The following CTNNA2 variants were observed in gnomAD, a reference collection of about 807,000 sequenced individuals.
CTNNA2 encodes catenin alpha-2.
In CTNNA2, 42 loss-of-function variants were observed where a neutral mutation model predicts 101.0. The ratio of observed to expected loss-of-function variants is 0.42; its 90% confidence interval spans 0.32 to 0.54. The LOEUF (loss-of-function observed/expected upper bound fraction) is 0.54. CTNNA2 is among the 20% of genes least tolerant of loss of function. The probability of loss-of-function intolerance (pLI) is 0.14; values close to 1 mark genes in which losing one functional copy is unlikely to be tolerated. For synonymous variants in CTNNA2, 450 were observed against 456.4 expected (o/e 0.99, Z 0.18); for missense variants, 871 against 1,223.1 (o/e 0.71, Z 4.29).
chr2:80,636,147 G>A (rs1042276349), intron 18 of CTNNA2, among the ~76,000 whole-genome samples: 4 of 151,978 alleles, frequency 2.6e-5, no homozygotes, highest in Non-Finnish European at 5.9e-5. Flanking sequence ...CAGGACCAAA[G>A]GCAGCAAGAT....
chr2:80,446,255 T>A (rs1306707088), intron 9 of CTNNA2, among the ~76,000 whole-genome samples: 1 of 152,154 alleles, frequency 6.6e-6, no homozygotes, highest in African/African-American at 2.4e-5. Context: ...CTTCCTCCAC[T>A]CAAGAGAGAC....
At chr2:79,704,336 G>A (rs1328175685) in intron 2 of CTNNA2, among the ~76,000 whole-genome samples, 1 of 152,062 alleles carries the variant, frequency 6.6e-6, no homozygotes, top group Non-Finnish European at 1.5e-5. Context: ...TCCCTTCTGT[G>A]GGTGAAAGAA....
intron 4 of CTNNA2, among the ~76,000 whole-genome samples, chr2:79,479,924 A>G (rs1338542792): frequency 6.6e-6 from 1 of 150,832 alleles, no homozygotes; most frequent in Non-Finnish European, 1.5e-5. Flanking sequence ...CTCCATCTCA[A>G]AAAAAAAAGA....
At chr2:80,174,078 C>T (rs1705243970) in intron 7 of CTNNA2, among the ~76,000 whole-genome samples, 1 of 152,110 alleles carries the variant, frequency 6.6e-6, no homozygotes, top group Non-Finnish European at 1.5e-5. Flanking sequence ...GTGGCACATG[C>T]ACTGTGCCAA....
chr2:80,355,300 T>C (rs1311549537), intron 7 of CTNNA2, among the ~76,000 whole-genome samples: 1 of 152,182 alleles, frequency 6.6e-6, no homozygotes, highest in Non-Finnish European at 1.5e-5. Flanking sequence ...CAATGAGATG[T>C]AAGCAGAAGC....
At chr2:80,442,655 C>T (rs909439879) in intron 9 of CTNNA2, among the ~76,000 whole-genome samples, 2 of 152,168 alleles carry the variant, frequency 1.3e-5, no homozygotes, top group Non-Finnish European at 2.9e-5. Context: ...TTTTTTACCC[C>T]TCTCTGTTTC....
At chr2:79,786,444 A>C (rs1674852876) in intron 3 of CTNNA2, among the ~76,000 whole-genome samples, 1 of 152,106 alleles carries the variant, frequency 6.6e-6, no homozygotes, top group Non-Finnish European at 1.5e-5. Context: ...CTGTTGAAAC[A>C]CACGTCTTAT....
intron 3 of CTNNA2, among the ~76,000 whole-genome samples, chr2:79,329,166 A>T (rs980859009): frequency 1.3e-5 from 2 of 152,168 alleles, no homozygotes; most frequent in African/African-American, 4.8e-5. Context: ...GAAGGACACT[A>T]TTCAGCCCAG....
intron 7 of CTNNA2, among the ~76,000 whole-genome samples, chr2:79,912,206 C>T (rs982061523): frequency 2.6e-5 from 4 of 152,222 alleles, no homozygotes; most frequent in Non-Finnish European, 5.9e-5. Flanking sequence ...AAAATCTCCT[C>T]ATCAGTCCCA....
In CTNNA2 at chr2:80,096,828, C is replaced by A. The variant is rs866147375; in HGVS notation, c.1056+187031C>A. Among the ~76,000 whole-genome samples, 202 of 152,212 alleles carry A rather than the reference C, an allele frequency of 1.3e-3. 1 individual carries two copies. Among genetic ancestry groups the A allele is most frequent in the African/African-American group, 4.7e-3 (194 of 41,528 alleles). On this transcript the variant is annotated intron_variant, in intron 7 of 18. Transcript: ENST00000402739. The stretch of plus-strand genomic sequence containing the variant: ...GTTTTATCAGAGACTAGGATTGCAA[C>A]CCCTGCCTTTTTTTCTTTTCCATTT...
At chr2:79,475,566 A>G (rs1264150461) in intron 4 of CTNNA2, among the ~76,000 whole-genome samples, 2 of 152,184 alleles carry the variant, frequency 1.3e-5, no homozygotes, top group African/African-American at 2.4e-5. Flanking sequence ...TTCCAAATGA[A>G]TATGTACTAT....
chr2:79,919,745 T>C lies in CTNNA2; in HGVS notation c.1056+9948T>C, dbSNP rs1316205378. Among the ~76,000 whole-genome samples, 7 of 152,336 alleles carry C rather than the reference T, an allele frequency of 4.6e-5. No homozygotes were observed. The Middle Eastern group carries it at 0.01, about 222-fold the overall frequency. On this transcript the variant is annotated intron_variant, in intron 7 of 18. Coordinates refer to ENST00000402739, the MANE Select transcript of CTNNA2 (RefSeq NM_001282597.3). ...AAGATCTGAACGCTGGATCTCTCGT[T>C]CCCGAATGGCTTGTTCCAAAGATAA...
intron 4 of CTNNA2, among the ~76,000 whole-genome samples, chr2:79,411,460 G>A (rs146321994): frequency 0.016 from 2,399 of 151,908 alleles, 55 homozygotes; most frequent in African/African-American, 0.054. Context: ...TTCCAAAGTC[G>A]AAATGAAGGA....
chr2:79,395,476 G>A (rs548078148), intron 4 of CTNNA2, among the ~76,000 whole-genome samples: 3 of 151,960 alleles, frequency 2.0e-5, no homozygotes, highest in African/African-American at 7.2e-5. Flanking sequence ...CCACCTATGA[G>A]TGAGAATATT....
intron 7 of CTNNA2, among the ~76,000 whole-genome samples, chr2:80,034,687 T>C (rs1365717299): frequency 6.6e-6 from 1 of 152,202 alleles, no homozygotes; most frequent in Non-Finnish European, 1.5e-5. Flanking sequence ...AATGCAAATT[T>C]AAAATACATT....
intron 1 of CTNNA2, among the ~76,000 whole-genome samples, chr2:79,645,019 A>C (rs1297912236): frequency 6.6e-6 from 1 of 151,726 alleles, no homozygotes; most frequent in Non-Finnish European, 1.5e-5. Flanking sequence ...GTTTTACTCT[A>C]ACATCCAGAC....
At chr2:79,433,014 G>T (rs1678673600) in intron 4 of CTNNA2, among the ~76,000 whole-genome samples, 1 of 152,210 alleles carries the variant, frequency 6.6e-6, no homozygotes, top group Non-Finnish European at 1.5e-5. Flanking sequence ...AGCAACTGGA[G>T]TAAATGCTTT....
At position 79,373,667 on chromosome 2, in the gene CTNNA2, G is replaced by A. The variant is rs571625054; in HGVS notation, c.-317-164G>A. ...ACAAAAAAACGGTAACTCCCTGGAAGCATTTTTTTAAATACCCAGTGAGTT... is the reference window on the plus strand; with the variant it reads ...ACAAAAAAACGGTAACTCCCTGGAAACATTTTTTTAAATACCCAGTGAGTT... On this transcript the variant is annotated intron_variant, in intron 3 of 21. Coordinates refer to the CTNNA2 transcript ENST00000466387. 5.5e-3 allele frequency among the ~76,000 whole-genome samples: 269 copies of A among 49,254 alleles called. 5 individuals are homozygous for A. The South Asian group carries it at 0.076, about 14-fold the overall frequency. 32.3% of individuals were successfully genotyped at this position (49,254 alleles called of 152,430 possible). A position where few individuals can be genotyped will look rare whatever the true frequency, so the allele number is the denominator to read the frequency against.
At chr2:80,576,248 A>G (rs1434066) in intron 13 of CTNNA2, 149,917 of 152,248 alleles carry the variant, frequency 0.98, 73,828 homozygotes, top group East Asian at 1. Flanking sequence ...GTTGGTATCC[A>G]AGTGCTTGAG....
Sources: allele counts gnomAD v4.1 joint callset (sites outside exome capture counted in the v4.1 genomes callset), GRCh38; gene constraint gnomAD v4.1.1; transcripts MANE v1.5; gene names NCBI Gene and HGNC (gene_info 2026-07-23, HGNC 2026-07-21).